Variants in IGF2BP3 observed in about 807,000 individuals in gnomAD.
The protein encoded by IGF2BP3 is insulin-like growth factor 2 mRNA-binding protein 3.
Under a neutral mutation model 73.8 loss-of-function variants are expected in IGF2BP3, and 9 were observed. That is an observed-to-expected ratio of 0.12 (90% CI 0.07 to 0.21). The LOEUF is 0.21. Ranked by LOEUF, IGF2BP3 falls within the 10% of genes least tolerant of loss-of-function variation. The pLI is 1.00. For synonymous variants in IGF2BP3, 258 were observed against 256.7 expected, an observed-to-expected ratio of 1.01 and a Z score of -0.05; for missense variants, 542 against 714.0, an observed-to-expected ratio of 0.76 and a Z score of 2.75.
At chr7:23,424,995 G>A (rs1787467604) in intron 2 of IGF2BP3, among the ~76,000 whole-genome samples, 1 of 152,104 alleles carries the variant, frequency 6.6e-6, no homozygotes, top group African/African-American at 2.4e-5. Context: ...ATGCCATGCT[G>A]AACTACTCCA....
chr7:23,460,152 C>G, intron 2 of IGF2BP3, among the ~76,000 whole-genome samples: 1 of 135,822 alleles, frequency 7.4e-6, no homozygotes, highest in Admixed American at 8.0e-5. Context: ...GCACTCCAGC[C>G]TGGGCAACCG....
intron 3 of IGF2BP3, among the ~76,000 whole-genome samples, chr7:23,372,617 C>T (rs183833749): frequency 2.0e-5 from 3 of 152,172 alleles, no homozygotes; most frequent in East Asian, 1.9e-4. Flanking sequence ...TAGAATAATA[C>T]GGAACTAGAC....
chr7:23,329,267 G>A (rs1479160667), intron 10 of IGF2BP3, among the ~76,000 whole-genome samples: 1 of 151,782 alleles, frequency 6.6e-6, no homozygotes, highest in Admixed American at 6.6e-5. Context: ...ATCCTAATTT[G>A]CTTTTTTACC....
intron 3 of IGF2BP3, among the ~76,000 whole-genome samples, chr7:23,418,079 A>C (rs952386098): frequency 1.3e-5 from 2 of 152,308 alleles, no homozygotes; most frequent in Admixed American, 1.3e-4. Context: ...ATTTTAGAAG[A>C]CTAGTCTAAA....
Position 23,335,478 on chromosome 7 carries a change from C to G in IGF2BP3, c.1203+6586G>C, listed in dbSNP as rs186955417. ...AAAAGTTTTTTTTTTTTTGTAGAGACAGAGTTCTCCCTATGTTGCCCAGCC... is the reference window on the plus strand; with the variant it reads ...AAAAGTTTTTTTTTTTTTGTAGAGAGAGAGTTCTCCCTATGTTGCCCAGCC... On this transcript the variant is annotated intron_variant, in intron 10 of 14. Coordinates refer to ENST00000258729, the MANE Select transcript of IGF2BP3 (RefSeq NM_006547.3). 1.8e-3 allele frequency among the ~76,000 whole-genome samples: 266 copies of G among 150,600 alleles called. 3 individuals are homozygous for G. The highest frequency in any genetic ancestry group is 6.2e-3 in the African/African-American group (253 of 40,914).
intron 2 of IGF2BP3, among the ~76,000 whole-genome samples, chr7:23,443,369 C>T (rs546373833): frequency 1.6e-4 from 25 of 152,218 alleles, no homozygotes; most frequent in African/African-American, 5.1e-4. Flanking sequence ...AGGTGATTCA[C>T]CTGCCTCGGC....
chr7:23,328,167 C>G (rs1784354008), intron 10 of IGF2BP3, among the ~76,000 whole-genome samples: 1 of 152,124 alleles, frequency 6.6e-6, no homozygotes, highest in Admixed American at 6.5e-5. Flanking sequence ...ATCTCAACTA[C>G]TATCATCTTA....
intron 3 of IGF2BP3, among the ~76,000 whole-genome samples, chr7:23,387,886 C>T (rs772055477): frequency 5.9e-5 from 9 of 152,118 alleles, no homozygotes; most frequent in Non-Finnish European, 1.3e-4. Flanking sequence ...AAGGACTGGA[C>T]CTGCTGGTGA....
intron 3 of IGF2BP3, among the ~76,000 whole-genome samples, chr7:23,375,498 C>T (rs1385273770): frequency 2.6e-5 from 4 of 152,146 alleles, no homozygotes; most frequent in South Asian, 2.1e-4. Context: ...GCTAGAGAAT[C>T]CTAGAAGCAA....
At chr7:23,313,306 A>G (rs563348018) in intron 13 of IGF2BP3, among the ~76,000 whole-genome samples, 73 of 152,346 alleles carry the variant, frequency 4.8e-4, no homozygotes, top group Non-Finnish European at 9.0e-4. Context: ...ATATAGGACA[A>G]TCCTCTCACA....
At chr7:23,463,490 A>C (rs1278911818) in intron 2 of IGF2BP3, among the ~76,000 whole-genome samples, 1 of 152,274 alleles carries the variant, frequency 6.6e-6, no homozygotes, top group Non-Finnish European at 1.5e-5. Context: ...TAATTCCAAA[A>C]GATATTTTTA....
chr7:23,381,687 G>C (rs966074824), intron 3 of IGF2BP3, among the ~76,000 whole-genome samples: 1 of 151,910 alleles, frequency 6.6e-6, no homozygotes, highest in Non-Finnish European at 1.5e-5. Context: ...TCCTGCCTCG[G>C]TCTCCTGAGT....
rs185150024 is a variant in IGF2BP3, at chr7:23,449,897, A to G, written c.236+18585T>C. Among the ~76,000 whole-genome samples the G allele has an allele frequency of 6.1e-3, 929 of 152,284 alleles. 13 individuals carry two copies. Among genetic ancestry groups the G allele is most frequent in the African/African-American group, 0.021 (888 of 41,558 alleles). ...CTAATTTCAAACCACACATTAGAGC[A>G]GAGCAGCCATTCTCAAAGTATGGTA... On this transcript the variant is annotated intron_variant, in intron 2 of 14. Coordinates refer to ENST00000258729, the MANE Select transcript of IGF2BP3 (RefSeq NM_006547.3).
At position 23,372,030 on chromosome 7, in the gene IGF2BP3, A is replaced by G. The variant is rs560233871; in HGVS notation, c.286-10289T>C. ...TATTTTTAATTTATTTTTTATTTCA[A>G]TAGGTTTTTGGAGAATAGGTGGTAT... On this transcript the variant is annotated intron_variant, in intron 3 of 14. Coordinates refer to ENST00000258729, the MANE Select transcript of IGF2BP3 (RefSeq NM_006547.3). 3.3e-5 allele frequency among the ~76,000 whole-genome samples: 5 copies of G among 151,852 alleles called. No individual in the cohort carries two copies. The South Asian group carries it at 1.0e-3, about 32-fold the overall frequency.
intron 2 of IGF2BP3, among the ~76,000 whole-genome samples, chr7:23,443,808 G>C (rs1380765582): frequency 6.6e-6 from 1 of 151,968 alleles, no homozygotes; most frequent in East Asian, 1.9e-4. Context: ...AGGAGATTGA[G>C]ACCATCCTGG....
At chr7:23,362,920 A>AAGG (rs1785268635) in intron 3 of IGF2BP3, among the ~76,000 whole-genome samples, 1 of 151,990 alleles carries the variant, frequency 6.6e-6, no homozygotes, top group African/African-American at 2.4e-5. Flanking sequence ...CCCTCAGCTA[A>AAGG]TTTTTAAAAT....
intron 2 of IGF2BP3, among the ~76,000 whole-genome samples, chr7:23,426,299 A>G (rs1435443714): frequency 1.5e-5 from 2 of 134,602 alleles, no homozygotes; most frequent in African/African-American, 2.8e-5. Context: ...CAGCCTGGGC[A>G]GTAAGAGCAA....
intron 3 of IGF2BP3, among the ~76,000 whole-genome samples, chr7:23,385,711 G>A (rs891964179): frequency 6.6e-6 from 1 of 151,780 alleles, no homozygotes; most frequent in Non-Finnish European, 1.5e-5. Context: ...TCCCCCTACC[G>A]CCCATCTATT....
At chr7:23,321,319 C>T (rs1270121013) in intron 10 of IGF2BP3, among the ~76,000 whole-genome samples, 1 of 152,180 alleles carries the variant, frequency 6.6e-6, no homozygotes, top group African/African-American at 2.4e-5. Context: ...ACAGACGGCA[C>T]CTGGAAAATC....
Sources: allele counts gnomAD v4.1 joint callset (sites outside exome capture counted in the v4.1 genomes callset), GRCh38; gene constraint gnomAD v4.1.1; transcripts MANE v1.5; gene names NCBI Gene and HGNC (gene_info 2026-07-23, HGNC 2026-07-21).